The following TNNI3K variants were observed in gnomAD, a reference collection of about 807,000 sequenced individuals.
TNNI3K encodes TNNI3 interacting kinase.
In TNNI3K, 140 loss-of-function variants were observed where a neutral mutation model predicts 114.5. The observed-to-expected ratio is 1.22, with a 90% CI of 1.07 to 1.41. The LOEUF (loss-of-function observed/expected upper bound fraction) is 1.41, where lower values mean the gene tolerates loss of function less well. TNNI3K is among the 40% of genes most tolerant of loss of function. TNNI3K has a pLI of 0.00. For missense variants in TNNI3K, 1,125 were observed against 1,007.6 expected, an observed-to-expected ratio of 1.12 and a Z score of -1.58; for synonymous variants, 347 against 347.5, an observed-to-expected ratio of 1.00 and a Z score of 0.02.
intron 2 of TNNI3K, among the ~76,000 whole-genome samples, chr1:74,246,604 G>C (rs1166636544): frequency 6.6e-6 from 1 of 152,152 alleles, no homozygotes; most frequent in Non-Finnish European, 1.5e-5. Flanking sequence ...TATTGGACTG[G>C]GGGAGGAGAG....
At chr1:74,295,280 G>A (rs531158400) in intron 5 of TNNI3K, among the ~76,000 whole-genome samples, 21 of 152,204 alleles carry the variant, frequency 1.4e-4, no homozygotes, top group African/African-American at 4.6e-4. Flanking sequence ...TTATGACCAA[G>A]CATATGGTGG....
intron 21 of TNNI3K, among the ~76,000 whole-genome samples, chr1:74,474,711 G>T (rs548648289): frequency 2.6e-5 from 4 of 152,206 alleles, no homozygotes; most frequent in African/African-American, 9.6e-5. Flanking sequence ...ATGTACAGTG[G>T]GTAGATGTCA....
chr1:74,538,393 C>G (rs537530940), intron 23 of TNNI3K, among the ~76,000 whole-genome samples: 1 of 152,108 alleles, frequency 6.6e-6, no homozygotes, highest in South Asian at 2.1e-4. Context: ...TCTATTAATT[C>G]TATTAAATGC....
At chr1:74,263,875 A>T (rs1655814748) in intron 4 of TNNI3K, among the ~76,000 whole-genome samples, 1 of 152,018 alleles carries the variant, frequency 6.6e-6, no homozygotes, top group African/African-American at 2.4e-5. Context: ...AAACAAATTT[A>T]AAAAATTAGA....
intron 23 of TNNI3K, among the ~76,000 whole-genome samples, chr1:74,521,845 G>A (rs544856946): frequency 1.3e-5 from 2 of 152,268 alleles, no homozygotes; most frequent in South Asian, 4.1e-4. Context: ...CTGAGAATAA[G>A]TCAGAATTTC....
intron 5 of TNNI3K, among the ~76,000 whole-genome samples, chr1:74,327,996 G>C (rs1660005297): frequency 6.6e-6 from 1 of 151,612 alleles, no homozygotes; most frequent in Non-Finnish European, 1.5e-5. Context: ...TCCAATAACA[G>C]GTCTTGGAAT....
At chr1:74,374,629 T>A (rs1353132326) in intron 17 of TNNI3K, 1 of 152,026 alleles carries the variant, frequency 6.6e-6, no homozygotes, top group African/African-American at 2.4e-5. Context: ...GCTTCTGTGT[T>A]CCTGCTTTAT....
At chr1:74,428,519 A>G (rs1665741245) in intron 17 of TNNI3K, among the ~76,000 whole-genome samples, 1 of 152,096 alleles carries the variant, frequency 6.6e-6, no homozygotes, top group Non-Finnish European at 1.5e-5. Context: ...TGCCCTGATA[A>G]AATAACGTCT....
At chr1:74,479,065 C>T (rs917217906) in intron 21 of TNNI3K, among the ~76,000 whole-genome samples, 2 of 152,148 alleles carry the variant, frequency 1.3e-5, no homozygotes, top group African/African-American at 4.8e-5. Flanking sequence ...AATTAATTCA[C>T]TAGATAACTG....
chr1:74,449,204 G>A (rs1372505420), intron 20 of TNNI3K, among the ~76,000 whole-genome samples: 1 of 151,920 alleles, frequency 6.6e-6, no homozygotes, highest in African/African-American at 2.4e-5. Context: ...GAGTGTATGT[G>A]TAGAGGAATT....
rs1160100824 is a variant in TNNI3K, at chr1:74,369,599, G to T, written c.1667+14G>T. On this transcript the variant is annotated intron_variant, in intron 16 of 24. Transcript: ENST00000326637. ...TGAGCAGAAGAGGTATGGGTCTTTT[G>T]TTCTGATTTATCCTTGGACATTCCG... 5 of 1,585,904 alleles carry T rather than the reference G, an allele frequency of 3.2e-6. No individual in the cohort carries two copies. Among genetic ancestry groups the T allele is most frequent in the Admixed American group, 1.8e-5 (1 of 55,014 alleles).
intron 2 of TNNI3K, among the ~76,000 whole-genome samples, chr1:74,246,588 A>AG (rs1302079932): frequency 6.6e-6 from 1 of 152,182 alleles, no homozygotes; most frequent in Admixed American, 6.5e-5. Flanking sequence ...AGAAAAAAAA[A>AG]CAAAGTATTG....
At position 74,497,320 on chromosome 1, in the gene TNNI3K, A is replaced by G. The variant is rs565213083; in HGVS notation, c.2351+5054A>G. On this transcript the variant is annotated intron_variant, in intron 23 of 24. Transcript: ENST00000326637. ...TCTCCTCCTCATCACCCCAGGTCAA[A>G]TACTCCCCTCTTTCATCTACCACCT... 2.6e-5 allele frequency among the ~76,000 whole-genome samples: 4 copies of G among 151,382 alleles called. No homozygotes were observed. The South Asian group carries it at 8.5e-4, about 32-fold the overall frequency.
At chr1:74,276,599 A>G (rs1343834768) in intron 5 of TNNI3K, among the ~76,000 whole-genome samples, 1 of 152,048 alleles carries the variant, frequency 6.6e-6, no homozygotes, top group Non-Finnish European at 1.5e-5. Flanking sequence ...TTTTATTATC[A>G]TGGTTAGCAG....
intron 5 of TNNI3K, among the ~76,000 whole-genome samples, chr1:74,297,908 A>G (rs1476643568): frequency 3.3e-5 from 5 of 152,154 alleles, no homozygotes; most frequent in African/African-American, 9.7e-5. Flanking sequence ...CAACTTCTCA[A>G]TTGGAGAGTT....
At chr1:74,517,835 G>A (rs139649850) in intron 23 of TNNI3K, among the ~76,000 whole-genome samples, 2 of 152,236 alleles carry the variant, frequency 1.3e-5, no homozygotes, top group Admixed American at 1.3e-4. Flanking sequence ...AAAACTGCTG[G>A]GCCCACTACC....
chr1:74,362,356 G>A (rs2100502085), intron 11 of TNNI3K, among the ~76,000 whole-genome samples: 1 of 152,206 alleles, frequency 6.6e-6, no homozygotes, highest in Non-Finnish European at 1.5e-5. Flanking sequence ...GAGACATGAG[G>A]TCAATGAGAA....
At chr1:74,272,769 C>G (rs950925166) in intron 5 of TNNI3K, among the ~76,000 whole-genome samples, 1 of 151,862 alleles carries the variant, frequency 6.6e-6, no homozygotes, top group Non-Finnish European at 1.5e-5. Context: ...TTCACAAATC[C>G]TCATCGAATA....
intron 5 of TNNI3K, among the ~76,000 whole-genome samples, chr1:74,284,199 C>T (rs1300377632): frequency 6.6e-6 from 1 of 152,106 alleles, no homozygotes; most frequent in Non-Finnish European, 1.5e-5. Flanking sequence ...GATGATTCAT[C>T]CTGGGATGGT....
Sources: gnomAD v4.1 joint callset for allele counts (sites outside exome capture counted in the v4.1 genomes callset) on GRCh38, gnomAD v4.1.1 for gene constraint, MANE v1.5 for transcripts, NCBI Gene and HGNC (gene_info 2026-07-23, HGNC 2026-07-21) for gene names.